The following ZNF341 variants were observed in gnomAD, a reference collection of about 807,000 sequenced individuals.
ZNF341 encodes the protein zinc finger protein 341.
Under a neutral mutation model 87.7 loss-of-function variants are expected in ZNF341, and 52 were observed. The ratio of observed to expected loss-of-function variants is 0.59; its 90% CI spans 0.47 to 0.75. The LOEUF is 0.75. ZNF341 is among the 30% of genes least tolerant of loss of function. The probability of loss-of-function intolerance (pLI) is 0.00; values close to 1 mark genes in which losing one functional copy is unlikely to be tolerated. For missense variants in ZNF341, 977 were observed against 1,145.9 expected (o/e 0.85, Z 2.13); for synonymous variants, 459 against 472.7 (o/e 0.97, Z 0.38).
chr20:33,737,807 A>G (rs2122628644), intron 1 of ZNF341, among the ~76,000 whole-genome samples: 1 of 152,164 alleles, frequency 6.6e-6, no homozygotes, highest in East Asian at 1.9e-4. Flanking sequence ...CAAAAATCTG[A>G]AAAGATATCT....
rs191065625 is a variant in ZNF341 at position 33,738,491 on chromosome 20, C to T, written c.32-2411C>T. Among the ~76,000 whole-genome samples the T allele has an allele frequency of 2.4e-4, 37 of 152,180 alleles. No homozygotes were observed. The East Asian group carries it at 6.8e-3, about 28-fold the overall frequency. ...CATTTAAACTGTAAACTAAATTTCT[C>T]CCTAGTTATCTTGGCCCAAGCCCAG... On this transcript the variant is annotated intron_variant, in intron 1 of 14. Transcript: ENST00000375200.
intron 9 of ZNF341, among the ~76,000 whole-genome samples, chr20:33,767,826 A>AGCGT (rs2019439862): frequency 6.6e-6 from 1 of 152,194 alleles, no homozygotes. Context: ...CTAAGTAGGC[A>AGCGT]GCGTTGGGCT....
intron 3 of ZNF341, among the ~76,000 whole-genome samples, chr20:33,747,459 C>A (rs1345545490): frequency 6.9e-6 from 1 of 143,914 alleles, no homozygotes; most frequent in Non-Finnish European, 1.5e-5. Context: ...ACTAAAAATA[C>A]AAAAAATTAG....
intron 1 of ZNF341, among the ~76,000 whole-genome samples, chr20:33,738,704 A>AC (rs1339199800): frequency 1.3e-5 from 2 of 152,110 alleles, no homozygotes; most frequent in African/African-American, 4.8e-5. Flanking sequence ...GGTGTAGGTG[A>AC]CCCTCATGGG....
Position 33,791,528 on chromosome 20 carries a change from G to A in ZNF341, c.*11G>A, listed in dbSNP as rs1392613544. ...CAGGCCTCCGAGTGACGGACCTGAG[G>A]TGTCTGTTTCCTGGGCAGGCCTGAT... On this transcript the variant is annotated 3_prime_UTR_variant, in exon 15 of 15. Transcript: ENST00000375200. The A allele has an allele frequency of 3.9e-6, 6 of 1,536,342 alleles. No homozygotes were observed. Among genetic ancestry groups the A allele is most frequent in the East Asian group, 2.3e-5 (1 of 44,046 alleles).
rs577735752 is a variant in ZNF341 at position 33,751,723 on chromosome 20, C to T, written c.490-1449C>T. On this transcript the variant is annotated intron_variant, in intron 4 of 14. Coordinates refer to ENST00000375200, the MANE Select transcript of ZNF341 (RefSeq NM_001282933.2). ...CCAAGTAGCTGGGACTACAGGTGTG[C>T]ACCACTATGCCTGGCTAATGTTTTT... Among the ~76,000 whole-genome samples, 5 of 152,154 alleles carry T rather than the reference C, an allele frequency of 3.3e-5. No individual in the cohort carries two copies. In the South Asian group the frequency reaches 6.2e-4, roughly 19 times the overall value.
chr20:33,758,732 G>A lies in ZNF341; in HGVS notation c.954G>A (p.Lys318=). 1.2e-6 allele frequency: 2 copies of A among 1,613,790 alleles called. No individual in the cohort carries two copies. Among genetic ancestry groups the A allele is most frequent in the African/African-American group, 1.3e-5 (1 of 75,040 alleles). Reference sequence around the variant, plus strand: ...GTCTTTCAGCTGCAGGGAAGCCAAAGGCTCAGAAACTCAAGTGCTCATACT... The same window carrying A: ...GTCTTTCAGCTGCAGGGAAGCCAAAAGCTCAGAAACTCAAGTGCTCATACT... The part of the protein sequence containing the change: ...RGLPEAAGKP[K]AQKLKCSYCD... Residue 318 remains lysine (K), a synonymous_variant, in exon 7 of 15, where the codon AAG becomes AAA. Coordinates refer to ENST00000375200, the MANE Select transcript of ZNF341 (RefSeq NM_001282933.2).
intron 8 of ZNF341, among the ~76,000 whole-genome samples, chr20:33,764,561 A>ATATATATGTATATATTTATATTTT (rs1266929824): frequency 3.5e-5 from 1 of 28,402 alleles, no homozygotes; most frequent in Non-Finnish European, 6.7e-5. Flanking sequence ...ATATATATAT[A>ATATATATGTATATATTTATATTTT]TTTTTTTTTT....
At chr20:33,776,731 A>G (rs570691995) in intron 10 of ZNF341, among the ~76,000 whole-genome samples, 45 of 152,104 alleles carry the variant, frequency 3.0e-4, no homozygotes, top group African/African-American at 9.4e-4. Flanking sequence ...TGTCCAGTCT[A>G]GAGTGCATCA....
chr20:33,755,105 A>G (rs6057899), intron 5 of ZNF341, among the ~76,000 whole-genome samples: 93,383 of 151,894 alleles, frequency 0.61, 30,511 homozygotes, highest in East Asian at 0.93. Context: ...ACCACGCCCA[A>G]CTAATTTTTT....
In ZNF341 at chr20:33,732,142, CGGCCGCGGGGCGGAGG is replaced by C. The variant is rs1292647543; in HGVS notation, c.31+92_31+107del. 7.2e-6 allele frequency: 7 copies of C among 978,404 alleles called. No homozygotes were observed. Among genetic ancestry groups the C allele is most frequent in the Non-Finnish European group, 8.5e-6 (7 of 819,422 alleles). 60.6% of individuals were successfully genotyped at this position (978,404 alleles called of 1,614,324 possible). Reference sequence around the variant, plus strand: ...GCAGCGCCCGGCCTAGGGCGCGCAGCGGCCGCGGGGCGGAGGGCGCCGGGGCTGGAACAGCCGCGGG... The same window carrying C: ...GCAGCGCCCGGCCTAGGGCGCGCAGCGCGCCGGGGCTGGAACAGCCGCGGG... On this transcript the variant is annotated intron_variant, in intron 1 of 14. Transcript: ENST00000375200. The surrounding 1 kb of genome is among the most constrained non-coding windows in gnomAD (Gnocchi z 4.5).
intron 10 of ZNF341, among the ~76,000 whole-genome samples, chr20:33,773,364 C>T (rs1350375752): frequency 1.3e-5 from 2 of 152,086 alleles, no homozygotes; most frequent in African/African-American, 2.4e-5. Context: ...TGCCAGTGGC[C>T]CTTTGTAGAC....
At chr20:33,768,771 G>T (rs77352206) in intron 9 of ZNF341, among the ~76,000 whole-genome samples, 1,572 of 152,132 alleles carry the variant, frequency 0.01, 25 homozygotes, top group African/African-American at 0.036. Flanking sequence ...GCAAATCAGG[G>T]TTCACTTTTT....
intron 3 of ZNF341, among the ~76,000 whole-genome samples, chr20:33,748,229 G>A (rs949533504): frequency 3.3e-5 from 5 of 152,030 alleles, no homozygotes; most frequent in East Asian, 3.9e-4. Flanking sequence ...GCACTACCAC[G>A]CCTAGCTACT....
intron 11 of ZNF341, 72 bp from the exon 12 acceptor site, chr20:33,783,660 C>A (rs1177693786): frequency 6.2e-7 from 1 of 1,606,918 alleles, no homozygotes; most frequent in East Asian, 2.2e-5. Context: ...AACGAGGAAC[C>A]TTTGAGTTCA....
At chr20:33,753,899 C>T (rs770597712) in intron 5 of ZNF341, among the ~76,000 whole-genome samples, 5 of 152,134 alleles carry the variant, frequency 3.3e-5, no homozygotes, top group African/African-American at 4.8e-5. Context: ...TAGACAACTG[C>T]GGATCTTGGC....
chr20:33,758,677 C>T (rs748015030), intron 6 of ZNF341, 39 bp from the exon 7 acceptor site: 1 of 1,561,906 alleles, frequency 6.4e-7, no homozygotes, highest in Non-Finnish European at 8.8e-7. Flanking sequence ...TGAGCTGCAC[C>T]CCCAGCCTCA....
rs1237685792 is a variant in ZNF341 at position 33,732,003 on chromosome 20, C to G, written c.-19C>G. The G allele has an allele frequency of 3.5e-6, 5 of 1,433,458 alleles. No homozygotes were observed. The highest frequency in any genetic ancestry group is 4.6e-6 in the Non-Finnish European group (5 of 1,088,180). 88.8% of individuals were successfully genotyped at this position (1,433,458 alleles called of 1,614,324 possible). ...AGCCGGGCTTCGGTTCCTGTGGCGG[C>G]GACGGCGGCGGCTCCAAGATGGCGC... On this transcript the variant is annotated 5_prime_UTR_variant, in exon 1 of 15. Transcript: ENST00000375200. The surrounding 1 kb of genome is among the most constrained non-coding windows in gnomAD (Gnocchi z 4.5).
chr20:33,770,067 C>T lies in ZNF341; in HGVS notation c.1414-17C>T. On this transcript the variant is annotated splice_polypyrimidine_tract_variant and intron_variant, in intron 9 of 14. Coordinates refer to ENST00000375200, the MANE Select transcript of ZNF341 (RefSeq NM_001282933.2). ...GCTCTCCTGCCTCCTGTCACCTGCC[C>T]AGCGTCTTCCCTCAAGGTGTACAAG... is the stretch of plus-strand genomic sequence containing the variant. The T allele has an allele frequency of 6.2e-7, 1 of 1,602,924 alleles. No individual in the cohort carries two copies. The highest frequency in any genetic ancestry group is 1.8e-4 in the Middle Eastern group (1 of 5,492).
Sources: gnomAD v4.1 joint callset for allele counts (sites outside exome capture counted in the v4.1 genomes callset) on GRCh38, gnomAD v4.1.1 for gene constraint, Gnocchi (gnomAD v3.1) non-coding constraint, MANE v1.5 for transcripts, NCBI Gene and HGNC (gene_info 2026-07-23, HGNC 2026-07-21) for gene names.